The following PRKCE variants were observed in gnomAD, a reference collection of about 807,000 sequenced individuals.
PRKCE encodes the protein protein kinase C epsilon, also known as protein kinase C epsilon type.
In PRKCE, 16 loss-of-function variants were observed where a neutral mutation model predicts 85.4. The observed-to-expected ratio is 0.19, with a 90% CI of 0.13 to 0.28. The LOEUF (loss-of-function observed/expected upper bound fraction) is 0.28. Among genes scored for constraint, PRKCE ranks in the 10% least tolerant of loss-of-function variants. The pLI is 1.00. For synonymous variants in PRKCE, 388 were observed against 371.5 expected (o/e 1.04, Z -0.51); for missense variants, 573 against 975.2 (o/e 0.59, Z 5.49).
Position 46,075,763 on chromosome 2 carries a change from A to T in PRKCE, c.1438-10445A>T, listed in dbSNP as rs528438656. Among the ~76,000 whole-genome samples, 3 of 152,276 alleles carry T rather than the reference A, an allele frequency of 2.0e-5. No homozygotes were observed. In the South Asian group the frequency reaches 6.2e-4, roughly 32 times the overall value. On this transcript the variant is annotated intron_variant, in intron 10 of 14. Coordinates refer to ENST00000306156, the MANE Select transcript of PRKCE (RefSeq NM_005400.3). ...GGCCCTGTCTCTAAATAAATAGATAAATTATTGATAGAATCAAAAAGGGAT... is the reference window on the plus strand; with the variant it reads ...GGCCCTGTCTCTAAATAAATAGATATATTATTGATAGAATCAAAAAGGGAT...
At chr2:45,859,061 T>C (rs1275121944) in intron 2 of PRKCE, among the ~76,000 whole-genome samples, 1 of 147,430 alleles carries the variant, frequency 6.8e-6, no homozygotes, top group East Asian at 2.0e-4. Context: ...AATAAATAAA[T>C]AAATAAATAA....
At chr2:45,980,970 G>C (rs1307642256) in intron 5 of PRKCE, among the ~76,000 whole-genome samples, 1 of 152,218 alleles carries the variant, frequency 6.6e-6, no homozygotes, top group East Asian at 1.9e-4. Flanking sequence ...CACAGAGAGT[G>C]AAATTAACCT....
intron 10 of PRKCE, among the ~76,000 whole-genome samples, chr2:46,085,805 G>A (rs767246586): frequency 2.1e-5 from 3 of 139,788 alleles, no homozygotes; most frequent in Admixed American, 7.4e-5. Flanking sequence ...ACATTCAAGG[G>A]TTAGGACCTG....
intron 1 of PRKCE, among the ~76,000 whole-genome samples, chr2:45,707,944 T>C (rs1419575381): frequency 6.6e-6 from 1 of 152,188 alleles, no homozygotes; most frequent in Non-Finnish European, 1.5e-5. Context: ...ATGACTTATG[T>C]CTGGTACCCC....
At chr2:45,653,220 A>C (rs941133626) in intron 1 of PRKCE, among the ~76,000 whole-genome samples, 1 of 152,146 alleles carries the variant, frequency 6.6e-6, no homozygotes, top group African/African-American at 2.4e-5. Flanking sequence ...TATGAGATTG[A>C]GTTGTTAATT....
intron 6 of PRKCE, among the ~76,000 whole-genome samples, chr2:45,997,593 CTGGAGT>C (rs1704321890): frequency 1.3e-5 from 2 of 152,178 alleles, no homozygotes; most frequent in Non-Finnish European, 2.9e-5. Flanking sequence ...GTCACCCAGG[CTGGAGT>C]GCAGTGGTAT....
At chr2:45,885,994 C>T (rs1485928214) in intron 2 of PRKCE, among the ~76,000 whole-genome samples, 1 of 152,224 alleles carries the variant, frequency 6.6e-6, no homozygotes, top group Non-Finnish European at 1.5e-5. Flanking sequence ...CTCCCCAGAA[C>T]GTGAATCTTT....
intron 1 of PRKCE, among the ~76,000 whole-genome samples, chr2:45,781,429 C>A (rs1259026752): frequency 6.6e-6 from 1 of 152,228 alleles, no homozygotes; most frequent in Non-Finnish European, 1.5e-5. Flanking sequence ...CTTAAATGAT[C>A]ATATTCAGTT....
rs11417233 is a variant in PRKCE, at chr2:46,135,746, C to CTTT, written c.1593-9322_1593-9320dup. Among the ~76,000 whole-genome samples the CTTT allele has an allele frequency of 2.4e-3, 50 of 20,668 alleles. 15 individuals carry two copies. The highest frequency in any genetic ancestry group is 3.3e-3 in the Admixed American group (3 of 908). The allele number at this position is 20,668 out of a possible 152,430, so 13.6% of individuals were successfully genotyped here. ...ACCTTGGGTTCAGAAACAAATTATG[C>CTTT]TTTTTTTTTTTTTTTTTTTTTTTTT... On this transcript the variant is annotated intron_variant, in intron 11 of 14. Transcript: ENST00000306156.
intron 5 of PRKCE, among the ~76,000 whole-genome samples, chr2:45,983,137 G>C (rs1337546891): frequency 6.6e-6 from 1 of 152,216 alleles, no homozygotes; most frequent in Non-Finnish European, 1.5e-5. Context: ...ACCTCAAGTG[G>C]TAGACCATCC....
chr2:45,919,041 C>G (rs1165441502), intron 2 of PRKCE, among the ~76,000 whole-genome samples: 1 of 152,094 alleles, frequency 6.6e-6, no homozygotes, highest in Non-Finnish European at 1.5e-5. Flanking sequence ...AACAGTTAGG[C>G]TGGAGGCCAG....
chr2:45,701,334 A>T (rs1032349262), intron 1 of PRKCE: 6 of 152,140 alleles, frequency 3.9e-5, no homozygotes, highest in Non-Finnish European at 4.4e-5. Flanking sequence ...GATGCTACCT[A>T]TCTATCTATT....
intron 14 of PRKCE, among the ~76,000 whole-genome samples, chr2:46,178,368 C>G (rs899717140): frequency 2.3e-3 from 347 of 152,268 alleles, no homozygotes; most frequent in African/African-American, 8.0e-3. Flanking sequence ...AAAGAAAATC[C>G]AAAAGTATGA....
At chr2:45,957,911 G>A (rs912114912) in intron 2 of PRKCE, among the ~76,000 whole-genome samples, 2 of 129,674 alleles carry the variant, frequency 1.5e-5, no homozygotes, top group Non-Finnish European at 3.2e-5. Flanking sequence ...GCGAGACTGT[G>A]TCTCTATTTT....
intron 10 of PRKCE, among the ~76,000 whole-genome samples, chr2:46,079,070 G>A (rs1338147792): frequency 1.3e-5 from 2 of 151,736 alleles, no homozygotes; most frequent in Middle Eastern, 3.4e-3. Flanking sequence ...CCAGCTACCC[G>A]GGAGGCTGAG....
Position 46,184,631 on chromosome 2 carries a change from G to A in PRKCE, c.2068-104G>A. 1 of 1,416,244 alleles carries A rather than the reference G, an allele frequency of 7.1e-7. No individual in the cohort carries two copies. The highest frequency in any genetic ancestry group is 9.5e-7 in the Non-Finnish European group (1 of 1,047,410). 87.7% of individuals were successfully genotyped at this position (1,416,244 alleles called of 1,614,324 possible). On this transcript the variant is annotated intron_variant, in intron 14 of 14. Coordinates refer to ENST00000306156, the MANE Select transcript of PRKCE (RefSeq NM_005400.3). This position sits in a 1 kb window ranked among gnomAD's most constrained non-coding sequence, Gnocchi z 5.0. ...GTCTGCTGTCTGTTGGTAGCTAGAGGCCTGCTTTGGTGACAGGCTGGTCAG... is the reference window on the plus strand; with the variant it reads ...GTCTGCTGTCTGTTGGTAGCTAGAGACCTGCTTTGGTGACAGGCTGGTCAG...
intron 1 of PRKCE, among the ~76,000 whole-genome samples, chr2:45,726,106 A>G (rs1239901586): frequency 1.3e-5 from 2 of 152,222 alleles, no homozygotes; most frequent in East Asian, 3.8e-4. Context: ...TCTTAGGGAA[A>G]AACAAAGAAA....
chr2:45,874,200 A>T (rs1416161926), intron 2 of PRKCE, among the ~76,000 whole-genome samples: 1 of 152,212 alleles, frequency 6.6e-6, no homozygotes, highest in Non-Finnish European at 1.5e-5. Flanking sequence ...TCACACACTC[A>T]ATCAGAGGCC....
intron 10 of PRKCE, among the ~76,000 whole-genome samples, chr2:46,078,540 G>GAA (rs10569183): frequency 2.1e-5 from 3 of 140,314 alleles, no homozygotes; most frequent in Non-Finnish European, 4.5e-5. Context: ...ACCCTGTCTT[G>GAA]AAAAAAAAAA....
Sources: allele counts gnomAD v4.1 joint callset (sites outside exome capture counted in the v4.1 genomes callset), GRCh38; gene constraint gnomAD v4.1.1; non-coding constraint Gnocchi (gnomAD v3.1); transcripts MANE v1.5; gene names NCBI Gene and HGNC (gene_info 2026-07-23, HGNC 2026-07-21).